Variants in KIRREL3 observed in about 807,000 individuals in gnomAD.
KIRREL3 encodes the protein kirre like nephrin family adhesion molecule 3, also known as kin of IRRE-like protein 3.
Under a neutral mutation model 89.7 loss-of-function variants are expected in KIRREL3, and 36 were observed. That is an observed-to-expected ratio of 0.40 (90% CI 0.31 to 0.53). The LOEUF is 0.53. KIRREL3 is among the 20% of genes least tolerant of loss of function. The probability of loss-of-function intolerance (pLI) is 0.49; values close to 1 mark genes in which losing one functional copy is unlikely to be tolerated. For missense variants in KIRREL3, 864 were observed against 1,056.6 expected, an observed-to-expected ratio of 0.82 and a Z score of 2.53; for synonymous variants, 445 against 441.4, an observed-to-expected ratio of 1.01 and a Z score of -0.10.
At chr11:126,735,250 G>T (rs930387936) in intron 1 of KIRREL3, among the ~76,000 whole-genome samples, 1 of 152,224 alleles carries the variant, frequency 6.6e-6, no homozygotes, top group South Asian at 2.1e-4. Context: ...CTGGCAGTCG[G>T]TAGTAACATT....
chr11:126,594,976 G>A lies in KIRREL3; in HGVS notation c.56-32064C>T, dbSNP rs539525597. 3.9e-5 allele frequency among the ~76,000 whole-genome samples: 6 copies of A among 152,342 alleles called. No individual in the cohort carries two copies. In the South Asian group the frequency reaches 1.2e-3, roughly 32 times the overall value. The stretch of plus-strand genomic sequence containing the variant: ...GCCCTGGGCCCTCGGACCCTCAGGG[G>A]CCTTCTGGGTTGTGAGGCGTGGGGC... On this transcript the variant is annotated intron_variant, in intron 1 of 16. Coordinates refer to ENST00000525144, the MANE Select transcript of KIRREL3 (RefSeq NM_032531.4). This position sits in a 1 kb window ranked among gnomAD's most constrained non-coding sequence, Gnocchi z 5.0.
chr11:126,626,215 A>G (rs538310889), intron 1 of KIRREL3, among the ~76,000 whole-genome samples: 173 of 152,354 alleles, frequency 1.1e-3, no homozygotes, highest in African/African-American at 4.1e-3. Flanking sequence ...TCAACTCAGC[A>G]GCATGCTGGG....
intron 1 of KIRREL3, among the ~76,000 whole-genome samples, chr11:126,692,544 CAAAAAAAAAAAAAAAAA>C (rs71048799): frequency 9.1e-4 from 39 of 42,684 alleles, no homozygotes; most frequent in African/African-American, 4.2e-3. Flanking sequence ...GACTCTGTCT[CAAAAAAAAAAAAAAAAA>C]AAAAAAAAAA....
rs977951627 is a variant in KIRREL3 at position 126,642,981 on chromosome 11, CCCTCCCATCCATCCAT to C, written c.56-80085_56-80070del. ...AAAAGGTACTTTGGCCTCCCTTCTT[CCCTCCCATCCATCCAT>C]CCATCCATCCATCCATCCATCTATC... On this transcript the variant is annotated intron_variant, in intron 1 of 16. Coordinates refer to ENST00000525144, the MANE Select transcript of KIRREL3 (RefSeq NM_032531.4). The surrounding 1 kb of genome is among the most constrained non-coding windows in gnomAD (Gnocchi z 4.9). Among the ~76,000 whole-genome samples the C allele has an allele frequency of 5.1e-5, 6 of 118,266 alleles. No individual in the cohort carries two copies. Among genetic ancestry groups the C allele is most frequent in the Non-Finnish European group, 1.1e-4 (6 of 56,232 alleles). 77.6% of individuals were successfully genotyped at this position (118,266 alleles called of 152,430 possible). A position where few individuals can be genotyped will look rare whatever the true frequency, so the allele number is the denominator to read the frequency against.
Position 126,909,617 on chromosome 11 carries a change from C to T in KIRREL3, c.55+90838G>A, listed in dbSNP as rs1162881462. ...CGCAACAGCACCTGTCTCTGGTGTC[C>T]TCCACCCTTTCAGCAGGCCAGGAGT... is the stretch of plus-strand genomic sequence containing the variant. On this transcript the variant is annotated intron_variant, in intron 1 of 16. Transcript: ENST00000525144. This position sits in a 1 kb window ranked among gnomAD's most constrained non-coding sequence, Gnocchi z 4.5. Among the ~76,000 whole-genome samples, 2 of 152,232 alleles carry T rather than the reference C, an allele frequency of 1.3e-5. No homozygotes were observed. The highest frequency in any genetic ancestry group is 3.9e-4 in the East Asian group (2 of 5,172).
intron 1 of KIRREL3, among the ~76,000 whole-genome samples, chr11:126,929,674 G>T (rs554691927): frequency 1.3e-5 from 2 of 152,232 alleles, no homozygotes; most frequent in South Asian, 2.1e-4. Flanking sequence ...GCAGTGAGTC[G>T]CCCAGGCCTA....
chr11:126,812,058 G>T lies in KIRREL3; in HGVS notation c.55+188397C>A, dbSNP rs1234217365. On this transcript the variant is annotated intron_variant, in intron 1 of 16. Coordinates refer to ENST00000525144, the MANE Select transcript of KIRREL3 (RefSeq NM_032531.4). The surrounding 1 kb of genome is among the most constrained non-coding windows in gnomAD (Gnocchi z 5.2). ...GGTTAAGGCACTTTTCGGGATTAGA[G>T]AATCTTCAAACTCAATATGCATAAG... Among the ~76,000 whole-genome samples the T allele has an allele frequency of 6.6e-6, 1 of 152,152 alleles. No individual in the cohort carries two copies. The highest frequency in any genetic ancestry group is 1.5e-5 in the Non-Finnish European group (1 of 68,046).
At chr11:126,855,969 G>A (rs1382858857) in intron 1 of KIRREL3, among the ~76,000 whole-genome samples, 1 of 152,170 alleles carries the variant, frequency 6.6e-6, no homozygotes, top group Non-Finnish European at 1.5e-5. Context: ...TCTTGCCCTT[G>A]AATTTCTTGA....
chr11:126,863,418 A>ACT (rs1565362757), intron 1 of KIRREL3, among the ~76,000 whole-genome samples: 3 of 14,738 alleles, frequency 2.0e-4, no homozygotes, highest in African/African-American at 9.5e-4. Context: ...TGCGTGTGTG[A>ACT]GCGCATGTGT....
At chr11:126,745,497 A>G (rs1044779789) in intron 1 of KIRREL3, among the ~76,000 whole-genome samples, 1 of 3,220 alleles carries the variant, frequency 3.1e-4, no homozygotes, top group Non-Finnish European at 5.4e-4. Context: ...CAGAAAAACA[A>G]AAAAAAAAAA....
Position 126,954,095 on chromosome 11 carries a change from C to T in KIRREL3, c.55+46360G>A, listed in dbSNP as rs531156341. 6.6e-5 allele frequency among the ~76,000 whole-genome samples: 10 copies of T among 151,942 alleles called. No individual in the cohort carries two copies. Among genetic ancestry groups the T allele is most frequent in the Non-Finnish European group, 1.2e-4 (8 of 67,984 alleles). ...ATTCTCCCCAGGGTCGGTCTGTGAG[C>T]GCCTCTAATACCCTATGTGGTTTCT... On this transcript the variant is annotated intron_variant, in intron 1 of 16. Coordinates refer to ENST00000525144, the MANE Select transcript of KIRREL3 (RefSeq NM_032531.4). This position sits in a 1 kb window ranked among gnomAD's most constrained non-coding sequence, Gnocchi z 4.1.
rs942080705 is a variant in KIRREL3, at chr11:126,776,696, T to A, written c.56-213784A>T. Among the ~76,000 whole-genome samples, 26 of 152,202 alleles carry A rather than the reference T, an allele frequency of 1.7e-4. No individual in the cohort carries two copies. Among genetic ancestry groups the A allele is most frequent in the Admixed American group, 1.3e-4 (2 of 15,286 alleles). On this transcript the variant is annotated intron_variant, in intron 1 of 16. Transcript: ENST00000525144. The surrounding 1 kb of genome is among the most constrained non-coding windows in gnomAD (Gnocchi z 4.7). The stretch of plus-strand genomic sequence containing the variant: ...GAAGTCAACTGTTAAAACCTTGTGG[T>A]AATCCAAAGAGAACAGAGGGAATGC...
chr11:126,818,127 G>T (rs7106354), intron 1 of KIRREL3, among the ~76,000 whole-genome samples: 6 of 152,174 alleles, frequency 3.9e-5, no homozygotes, highest in Non-Finnish European at 8.8e-5. Context: ...CAAAGATCAG[G>T]TTGTAAGGTG....
chr11:126,590,207 C>T (rs1942070783), intron 1 of KIRREL3, among the ~76,000 whole-genome samples: 1 of 152,212 alleles, frequency 6.6e-6, no homozygotes, highest in East Asian at 1.9e-4. Context: ...TTAATACCCC[C>T]TTTCAAATTG....
At chr11:126,460,153 C>G (rs1335227094) in intron 6 of KIRREL3, among the ~76,000 whole-genome samples, 1 of 152,120 alleles carries the variant, frequency 6.6e-6, no homozygotes, top group Admixed American at 6.6e-5. Context: ...AGAACGTGTG[C>G]TTTGCTTGGC....
Position 126,867,584 on chromosome 11 carries a change from T to A in KIRREL3, c.55+132871A>T, listed in dbSNP as rs1459577422. 6.6e-6 allele frequency among the ~76,000 whole-genome samples: 1 copy of A among 152,230 alleles called. No homozygotes were observed. The highest frequency in any genetic ancestry group is 1.9e-4 in the East Asian group (1 of 5,186). ...ATTAGATAACAGATAATACTAGTAT[T>A]AGTTAATAACATTAATACATTTCAC... On this transcript the variant is annotated intron_variant, in intron 1 of 16. Transcript: ENST00000525144. This position sits in a 1 kb window ranked among gnomAD's most constrained non-coding sequence, Gnocchi z 4.7.
rs1397125809 is a variant in KIRREL3 at position 126,571,120 on chromosome 11, C to G, written c.56-8208G>C. On this transcript the variant is annotated intron_variant, in intron 1 of 16. Coordinates refer to ENST00000525144, the MANE Select transcript of KIRREL3 (RefSeq NM_032531.4). The surrounding 1 kb of genome is among the most constrained non-coding windows in gnomAD (Gnocchi z 7.7). The stretch of plus-strand genomic sequence containing the variant: ...GGTGCGTCGTGCCATGCTCTGTCTC[C>G]ATTCTCTGTGAGATTCGACTCCCAA... Among the ~76,000 whole-genome samples, 7 of 152,312 alleles carry G rather than the reference C, an allele frequency of 4.6e-5. No individual in the cohort carries two copies. The highest frequency in any genetic ancestry group is 3.4e-3 in the Middle Eastern group (1 of 294).
chr11:126,434,881 TGGA>T (rs1350166964), intron 13 of KIRREL3, among the ~76,000 whole-genome samples: 1 of 151,660 alleles, frequency 6.6e-6, no homozygotes, highest in Admixed American at 6.6e-5. Flanking sequence ...GGTGATGATG[TGGA>T]GAAGCGGGAA....
intron 1 of KIRREL3, among the ~76,000 whole-genome samples, chr11:126,871,013 G>A (rs1421116981): frequency 6.6e-6 from 1 of 152,184 alleles, no homozygotes; most frequent in East Asian, 1.9e-4. Flanking sequence ...GGCTCAGTTT[G>A]GGCTCTGGAG....
Sources: gnomAD v4.1 joint callset for allele counts (sites outside exome capture counted in the v4.1 genomes callset) on GRCh38, gnomAD v4.1.1 for gene constraint, Gnocchi (gnomAD v3.1) non-coding constraint, MANE v1.5 for transcripts, NCBI Gene and HGNC (gene_info 2026-07-23, HGNC 2026-07-21) for gene names.